ARID4B: variants seen among roughly 807,000 people sequenced by gnomAD.
The protein encoded by ARID4B is AT-rich interactive domain-containing protein 4B.
ARID4B carries 26 observed loss-of-function variants against 147.5 expected under a neutral mutation model. The ratio of observed to expected loss-of-function variants is 0.18; its 90% CI spans 0.13 to 0.24. The LOEUF is 0.24. ARID4B is among the 10% of genes least tolerant of loss of function. The pLI is 1.00. For synonymous variants in ARID4B, 512 were observed against 507.9 expected (o/e 1.01, Z -0.11); for missense variants, 1,179 against 1,511.5 (o/e 0.78, Z 3.65).
At chr1:235,195,583 C>T (rs1260575901) in intron 18 of ARID4B, among the ~76,000 whole-genome samples, 1 of 148,652 alleles carries the variant, frequency 6.7e-6, no homozygotes, top group Non-Finnish European at 1.5e-5. Context: ...CAGAGCGAGA[C>T]TCTGTCTCCA....
intron 7 of ARID4B, among the ~76,000 whole-genome samples, chr1:235,243,468 A>G (rs77746092): frequency 2.0e-5 from 3 of 152,336 alleles, no homozygotes; most frequent in African/African-American, 4.8e-5. Context: ...TAGAGCCACA[A>G]CAAAATAATG....
chr1:235,323,218 T>C (rs1422760329), intron 2 of ARID4B, among the ~76,000 whole-genome samples: 1 of 151,836 alleles, frequency 6.6e-6, no homozygotes, highest in Non-Finnish European at 1.5e-5. Context: ...TTTTATACTT[T>C]TAGTAGAGAC....
In ARID4B at chr1:235,219,854, TTG is replaced by T; in HGVS notation, c.1520_1521del (p.Thr507AsnfsTer2). 1 of 1,609,386 alleles carries T rather than the reference TTG, an allele frequency of 6.2e-7. No individual in the cohort carries two copies. On this transcript the variant is annotated frameshift_variant, in exon 16 of 24. Transcript: ENST00000264183. LOFTEE classifies it high-confidence loss of function. ...NENLDDKDDD[T>X]TRVDESLNIK... ...ATGTTGAGGGATTCATCTACCCTAG[TTG>T]TGTCATCATCTTTGTCATCCAGATT...
At chr1:235,245,537 C>T (rs998614997) in intron 7 of ARID4B, among the ~76,000 whole-genome samples, 1 of 151,588 alleles carries the variant, frequency 6.6e-6, no homozygotes, top group African/African-American at 2.4e-5. Context: ...ACTATTTTTC[C>T]TATAATATAT....
chr1:235,196,846 T>C (rs1208853514), intron 17 of ARID4B, among the ~76,000 whole-genome samples: 2 of 124,086 alleles, frequency 1.6e-5, no homozygotes, highest in South Asian at 3.0e-4. Context: ...AGCGAGACTC[T>C]GTTTCACAAA....
chr1:235,176,748 C>T (rs994071895), intron 21 of ARID4B: 4 of 426,222 alleles, frequency 9.4e-6, no homozygotes, highest in African/African-American at 4.1e-5. Flanking sequence ...CCATATTCAC[C>T]GCCTGGAAGT....
intron 4 of ARID4B, 110 bp downstream of exon 4, chr1:235,257,050 T>C (rs552987290): frequency 3.1e-5 from 24 of 769,116 alleles, no homozygotes; most frequent in Non-Finnish European, 4.8e-5. Flanking sequence ...TTAGAGAAAA[T>C]TACATATTGA....
chr1:235,211,541 A>ATGGGCATTATGCAG (rs1666721917), intron 17 of ARID4B, among the ~76,000 whole-genome samples: 1 of 152,182 alleles, frequency 6.6e-6, no homozygotes, highest in South Asian at 2.1e-4. Flanking sequence ...ACTCTATCTC[A>ATGGGCATTATGCAG]TGGGCATTAT....
intron 2 of ARID4B, among the ~76,000 whole-genome samples, chr1:235,292,933 C>G (rs1057449424): frequency 2.6e-5 from 4 of 152,078 alleles, no homozygotes; most frequent in African/African-American, 9.7e-5. Context: ...AAGAAAGCTC[C>G]GAGGGAAGGT....
chr1:235,236,833 A>AATATATATATATATATAT (rs1553299956), intron 8 of ARID4B, among the ~76,000 whole-genome samples: 1 of 33,522 alleles, frequency 3.0e-5, no homozygotes, highest in African/African-American at 1.5e-4. Flanking sequence ...TTTTATAAAA[A>AATATATATATATATATAT]ATATATATAT....
At chr1:235,189,549 T>C (rs558554510) in intron 19 of ARID4B, among the ~76,000 whole-genome samples, 4 of 151,780 alleles carry the variant, frequency 2.6e-5, no homozygotes, top group African/African-American at 9.7e-5. Context: ...AAGGTGAGCA[T>C]ATTAGAGTAT....
intron 2 of ARID4B, among the ~76,000 whole-genome samples, chr1:235,309,330 TCTGAGAAGTGAGGAGCCCCTCCGCCC>T (rs1673844382): frequency 7.0e-6 from 1 of 142,096 alleles, no homozygotes; most frequent in South Asian, 2.4e-4. Context: ...AGCCGCCCCA[TCTGAGAAGTGAGGAGCCCCTCCGCCC>T]GGCAACCACC....
intron 7 of ARID4B, among the ~76,000 whole-genome samples, chr1:235,245,471 T>G (rs1162258819): frequency 6.6e-6 from 1 of 152,148 alleles, no homozygotes; most frequent in Non-Finnish European, 1.5e-5. Context: ...TAAAAATATG[T>G]CTAAATACTA....
intron 20 of ARID4B, among the ~76,000 whole-genome samples, chr1:235,179,243 C>G (rs905299367): frequency 5.9e-5 from 9 of 151,954 alleles, no homozygotes; most frequent in Non-Finnish European, 1.0e-4. Flanking sequence ...TGCTTAAGAA[C>G]CTATTTCTGG....
chr1:235,309,890 G>A (rs554907262), intron 2 of ARID4B, among the ~76,000 whole-genome samples: 13 of 152,306 alleles, frequency 8.5e-5, no homozygotes, highest in African/African-American at 2.9e-4. Flanking sequence ...CCAACCCTGT[G>A]CTCTCTGAAA....
chr1:235,298,080 G>A (rs879424135), intron 2 of ARID4B, among the ~76,000 whole-genome samples: 1 of 152,170 alleles, frequency 6.6e-6, no homozygotes, highest in East Asian at 1.9e-4. Flanking sequence ...GTTCAAGTGT[G>A]TCAGAGATAC....
chr1:235,174,055 T>C (rs564453987), intron 22 of ARID4B, among the ~76,000 whole-genome samples: 44 of 151,468 alleles, frequency 2.9e-4, no homozygotes, highest in African/African-American at 9.7e-4. Flanking sequence ...TTTTTTTTTT[T>C]CTGGGATGGG....
chr1:235,263,810 ACC>A (rs1340148025), intron 2 of ARID4B, among the ~76,000 whole-genome samples: 3 of 150,984 alleles, frequency 2.0e-5, no homozygotes, highest in Non-Finnish European at 4.4e-5. Context: ...ACACGGTGAA[ACC>A]CCGTCTCTAC....
At chr1:235,279,896 G>A (rs190982751) in intron 2 of ARID4B, among the ~76,000 whole-genome samples, 1 of 152,276 alleles carries the variant, frequency 6.6e-6, no homozygotes, top group Admixed American at 6.5e-5. Flanking sequence ...CTTGGTTAGG[G>A]GAATTATGTG....
Sources: gnomAD v4.1 joint callset for allele counts (sites outside exome capture counted in the v4.1 genomes callset) on GRCh38, gnomAD v4.1.1 for gene constraint, MANE v1.5 for transcripts, NCBI Gene and HGNC (gene_info 2026-07-23, HGNC 2026-07-21) for gene names.